Variants in CSMD2 observed in about 807,000 individuals in gnomAD.
CSMD2 encodes the protein CUB and sushi domain-containing protein 2.
A neutral mutation model predicts 398.5 loss-of-function variants in CSMD2; 130 were observed. The ratio of observed to expected loss-of-function variants is 0.33; its 90% CI spans 0.28 to 0.38. The LOEUF (loss-of-function observed/expected upper bound fraction) is 0.38. CSMD2 is among the 10% of genes least tolerant of loss of function. The pLI, the probability that CSMD2 is intolerant of heterozygous loss-of-function variation, is 1.00. For synonymous variants in CSMD2, 1,828 were observed against 1,908.5 expected (o/e 0.96, Z 1.10); for missense variants, 3,829 against 4,764.9 (o/e 0.80, Z 5.78).
chr1:33,936,119 T>C (rs1238719407), intron 3 of CSMD2, among the ~76,000 whole-genome samples, 165 bp from the exon 4 acceptor site: 2 of 152,244 alleles, frequency 1.3e-5, no homozygotes, highest in African/African-American at 4.8e-5. Context: ...TTCTCAAGGC[T>C]GTAGATTCCC....
chr1:33,539,054 G>A (rs1174294132), intron 60 of CSMD2, among the ~76,000 whole-genome samples: 1 of 151,932 alleles, frequency 6.6e-6, no homozygotes, highest in Non-Finnish European at 1.5e-5. Flanking sequence ...TGCAAGCTCC[G>A]CCTCCTGGGT....
At chr1:34,140,333 G>A (rs1390996357) in intron 1 of CSMD2, among the ~76,000 whole-genome samples, 14 of 61,228 alleles carry the variant, frequency 2.3e-4, no homozygotes, top group Admixed American at 9.1e-4. Context: ...AAAACCCAGC[G>A]GCAGAAGAAA....
chr1:33,597,091 A>T (rs1315983364), intron 44 of CSMD2, among the ~76,000 whole-genome samples: 1 of 152,008 alleles, frequency 6.6e-6, no homozygotes, highest in African/African-American at 2.4e-5. Flanking sequence ...CTGTAATTCA[A>T]ACTTCATGTT....
At chr1:33,671,256 C>G (rs984600769) in intron 25 of CSMD2, among the ~76,000 whole-genome samples, 2 of 152,104 alleles carry the variant, frequency 1.3e-5, no homozygotes, top group African/African-American at 4.8e-5. Flanking sequence ...GGGAGGGGTT[C>G]CACCAAAGGA....
At chr1:33,841,616 C>T (rs904831766) in intron 6 of CSMD2, among the ~76,000 whole-genome samples, 2 of 150,506 alleles carry the variant, frequency 1.3e-5, no homozygotes, top group Non-Finnish European at 3.0e-5. Flanking sequence ...ATTGATTACA[C>T]AACCTCAATA....
chr1:34,019,777 G>T (rs1288633265), intron 3 of CSMD2, among the ~76,000 whole-genome samples: 1 of 152,120 alleles, frequency 6.6e-6, no homozygotes, highest in Non-Finnish European at 1.5e-5. Flanking sequence ...TGGCCTCCTA[G>T]GTCCTACATG....
At chr1:34,000,910 C>G (rs879589066) in intron 3 of CSMD2, among the ~76,000 whole-genome samples, 8 of 149,450 alleles carry the variant, frequency 5.4e-5, no homozygotes, top group Non-Finnish European at 7.4e-5. Flanking sequence ...ACAGCTAAAA[C>G]AGGAAGAGAA....
At chr1:33,550,674 T>C (rs1226668820) in intron 55 of CSMD2, among the ~76,000 whole-genome samples, 2 of 152,176 alleles carry the variant, frequency 1.3e-5, no homozygotes, top group African/African-American at 4.8e-5. Flanking sequence ...GGCAGGAAGG[T>C]GGTACGCAGA....
At chr1:34,098,652 A>C (rs1310386450) in intron 1 of CSMD2, among the ~76,000 whole-genome samples, 1 of 150,028 alleles carries the variant, frequency 6.7e-6, no homozygotes, top group Non-Finnish European at 1.5e-5. Flanking sequence ...AATATGTATC[A>C]GGCAATATTA....
At chr1:33,851,492 C>T (rs1177848009) in intron 5 of CSMD2, among the ~76,000 whole-genome samples, 4 of 152,190 alleles carry the variant, frequency 2.6e-5, no homozygotes, top group African/African-American at 9.7e-5. Context: ...ACCACCTTAT[C>T]CCCACTCCCA....
At chr1:33,675,835 T>C (rs1272529533) in intron 25 of CSMD2, among the ~76,000 whole-genome samples, 1 of 152,170 alleles carries the variant, frequency 6.6e-6, no homozygotes, top group Non-Finnish European at 1.5e-5. Context: ...ATCCAGCATA[T>C]AAACAGAACC....
At chr1:34,156,826 G>T (rs1033501220) in intron 1 of CSMD2, among the ~76,000 whole-genome samples, 2 of 152,114 alleles carry the variant, frequency 1.3e-5, no homozygotes, top group South Asian at 4.2e-4. Context: ...GGGTGGGACT[G>T]ACATCCCTTG....
At chr1:33,993,160 A>C (rs1202798353) in intron 3 of CSMD2, among the ~76,000 whole-genome samples, 1 of 152,184 alleles carries the variant, frequency 6.6e-6, no homozygotes, top group Non-Finnish European at 1.5e-5. Flanking sequence ...GTGAATGTAT[A>C]GAAAAGAACC....
chr1:33,725,016 A>C (rs1239048536), intron 17 of CSMD2, among the ~76,000 whole-genome samples: 1 of 152,218 alleles, frequency 6.6e-6, no homozygotes, highest in African/African-American at 2.4e-5. Flanking sequence ...AGGAAGGACA[A>C]GTGTGGGTGT....
intron 4 of CSMD2, among the ~76,000 whole-genome samples, chr1:33,930,364 C>T (rs137930437): frequency 0.015 from 2,344 of 152,338 alleles, 38 homozygotes; most frequent in Non-Finnish European, 0.018. Context: ...ACTCTATGCA[C>T]TGTCCATACC....
chr1:33,733,208 G>A (rs1189975574), intron 15 of CSMD2, among the ~76,000 whole-genome samples: 1 of 152,144 alleles, frequency 6.6e-6, no homozygotes, highest in East Asian at 1.9e-4. Flanking sequence ...AGTGCCTCTG[G>A]AGTTACTCAG....
intron 3 of CSMD2, among the ~76,000 whole-genome samples, chr1:33,963,392 A>G (rs565413823): frequency 6.6e-6 from 1 of 152,362 alleles, no homozygotes; most frequent in South Asian, 2.1e-4. Context: ...TATAATTGGC[A>G]TATATTTAAA....
At chr1:33,954,888 C>T (rs1198579020) in intron 3 of CSMD2, among the ~76,000 whole-genome samples, 4 of 152,094 alleles carry the variant, frequency 2.6e-5, no homozygotes, top group East Asian at 1.9e-4. Flanking sequence ...AGATGGATGG[C>T]GGGGATGGTT....
In CSMD2 at chr1:34,165,008, C is replaced by T. The variant is rs1343198364; in HGVS notation, c.90G>A (p.Pro30=). 1 of 1,208,220 alleles carries T rather than the reference C, an allele frequency of 8.3e-7. No individual in the cohort carries two copies. The highest frequency in any genetic ancestry group is 1.0e-6 in the Non-Finnish European group (1 of 973,088). 74.8% of individuals were successfully genotyped at this position (1,208,220 alleles called of 1,614,324 possible). A position where few individuals can be genotyped will look rare whatever the true frequency, so the allele number is the denominator to read the frequency against. Residue 30 remains proline, a synonymous_variant, in exon 1 of 71, where the codon CCG becomes CCA. Coordinates refer to ENST00000373381, the MANE Select transcript of CSMD2 (RefSeq NM_001281956.2). ...GGCGGCCCCAGCGGCTCCCGGCGCC[C>T]GGCACAAGCGCCGAAATCCCGGTTT... ...RGETGISALV[P]GAGSRWGRPP...
Sources: allele counts gnomAD v4.1 joint callset (sites outside exome capture counted in the v4.1 genomes callset), GRCh38; gene constraint gnomAD v4.1.1; transcripts MANE v1.5; gene names NCBI Gene and HGNC (gene_info 2026-07-23, HGNC 2026-07-21).